Variants in CADM1 observed in about 807,000 individuals in gnomAD.
CADM1 encodes the protein TSLC-1.
In CADM1, 15 loss-of-function variants were observed where a neutral mutation model predicts 53.1. The observed-to-expected ratio is 0.28, with a 90% CI of 0.19 to 0.44. The LOEUF (loss-of-function observed/expected upper bound fraction) is 0.44. Ranked by LOEUF, CADM1 falls within the 20% of genes least tolerant of loss-of-function variation. The pLI, the probability that CADM1 is intolerant of heterozygous loss-of-function variation, is 1.00. For synonymous variants in CADM1, 281 were observed against 243.0 expected, an observed-to-expected ratio of 1.16 and a Z score of -1.45; for missense variants, 434 against 611.3, an observed-to-expected ratio of 0.71 and a Z score of 3.06.
chr11:115,274,688 G>A (rs1943396095), intron 1 of CADM1, among the ~76,000 whole-genome samples: 1 of 152,214 alleles, frequency 6.6e-6, no homozygotes, highest in Non-Finnish European at 1.5e-5. Context: ...ACGAGATTTT[G>A]ATTTTATATA....
At chr11:115,350,804 A>T (rs998694536) in intron 1 of CADM1, among the ~76,000 whole-genome samples, 28 of 152,092 alleles carry the variant, frequency 1.8e-4, no homozygotes, top group African/African-American at 6.5e-4. Flanking sequence ...AAACAAAAAC[A>T]AGAAAATCAC....
intron 1 of CADM1, among the ~76,000 whole-genome samples, chr11:115,339,343 A>G (rs944395964): frequency 1.7e-4 from 26 of 152,066 alleles, no homozygotes; most frequent in Non-Finnish European, 3.7e-4. Flanking sequence ...TGTTTATTGC[A>G]GCACTATTCA....
At chr11:115,271,637 G>T (rs1358441703) in intron 1 of CADM1, among the ~76,000 whole-genome samples, 3 of 152,182 alleles carry the variant, frequency 2.0e-5, no homozygotes, top group African/African-American at 7.2e-5. Flanking sequence ...TAATATTTGT[G>T]CCCATTATAG....
chr11:115,356,717 T>C (rs1945881195), intron 1 of CADM1, among the ~76,000 whole-genome samples: 1 of 152,210 alleles, frequency 6.6e-6, no homozygotes, highest in African/African-American at 2.4e-5. Flanking sequence ...ATATGAGAAA[T>C]AACTACTGCT....
At chr11:115,258,548 A>T (rs1305512351) in intron 1 of CADM1, among the ~76,000 whole-genome samples, 1 of 152,198 alleles carries the variant, frequency 6.6e-6, no homozygotes, top group Non-Finnish European at 1.5e-5. Flanking sequence ...GCTTTGTTGG[A>T]TCTCAACTGT....
chr11:115,463,844 C>G (rs1171490216), intron 1 of CADM1, among the ~76,000 whole-genome samples: 3 of 137,436 alleles, frequency 2.2e-5, no homozygotes, highest in Non-Finnish European at 1.5e-5. Flanking sequence ...AGCCTGAAAA[C>G]AAAAAGCTTT....
intron 1 of CADM1, among the ~76,000 whole-genome samples, chr11:115,414,934 T>G (rs1212386219): frequency 6.6e-6 from 1 of 152,220 alleles, no homozygotes; most frequent in Non-Finnish European, 1.5e-5. Flanking sequence ...TTAAGTAGAT[T>G]CACTTAGGTG....
chr11:115,256,772 C>T, intron 1 of CADM1: 1 of 455,846 alleles, frequency 2.2e-6, no homozygotes, highest in Non-Finnish European at 4.4e-6. Flanking sequence ...GCAATAGGTT[C>T]ACACTTACTC....
chr11:115,262,507 C>T (rs1943006840), intron 1 of CADM1, among the ~76,000 whole-genome samples: 1 of 152,200 alleles, frequency 6.6e-6, no homozygotes, highest in South Asian at 2.1e-4. Flanking sequence ...CCATAAGCAC[C>T]TCACTTGTCC....
intron 1 of CADM1, among the ~76,000 whole-genome samples, chr11:115,297,389 T>C (rs1227389373): frequency 6.6e-6 from 1 of 152,158 alleles, no homozygotes; most frequent in African/African-American, 2.4e-5. Flanking sequence ...GCTTCTTTGA[T>C]CATTAGAGAT....
At chr11:115,406,671 G>A (rs1947321665) in intron 1 of CADM1, among the ~76,000 whole-genome samples, 1 of 150,492 alleles carries the variant, frequency 6.6e-6, no homozygotes, top group African/African-American at 2.4e-5. Flanking sequence ...ATATGGCCAG[G>A]CGCTGTGGCT....
chr11:115,420,678 C>T (rs1445971150), intron 1 of CADM1, among the ~76,000 whole-genome samples: 3 of 152,128 alleles, frequency 2.0e-5, no homozygotes, highest in African/African-American at 4.8e-5. Context: ...CATGCAGTGC[C>T]GCAGTTGGTT....
chr11:115,399,667 C>T (rs1311895793), intron 1 of CADM1, among the ~76,000 whole-genome samples: 2 of 152,056 alleles, frequency 1.3e-5, no homozygotes, highest in Admixed American at 1.3e-4. Context: ...TTTCATCTTT[C>T]AATTTTTCAA....
At chr11:115,419,353 A>G (rs998753298) in intron 1 of CADM1, among the ~76,000 whole-genome samples, 1 of 152,220 alleles carries the variant, frequency 6.6e-6, no homozygotes, top group Non-Finnish European at 1.5e-5. Flanking sequence ...GTAACTTTAG[A>G]AAACATTTCT....
intron 1 of CADM1, among the ~76,000 whole-genome samples, chr11:115,501,754 G>T (rs1949730968): frequency 6.6e-6 from 1 of 152,056 alleles, no homozygotes; most frequent in South Asian, 2.1e-4. Context: ...GCACCAACAG[G>T]TTTCTTTAAC....
intron 1 of CADM1, among the ~76,000 whole-genome samples, chr11:115,403,960 A>G (rs1401180421): frequency 2.1e-5 from 3 of 145,896 alleles, no homozygotes; most frequent in Non-Finnish European, 4.5e-5. Flanking sequence ...CAGTTTTTAG[A>G]AAAAAAAAAA....
At chr11:115,418,732 T>C (rs1015824041) in intron 1 of CADM1, among the ~76,000 whole-genome samples, 5 of 152,118 alleles carry the variant, frequency 3.3e-5, no homozygotes, top group Admixed American at 6.5e-5. Context: ...CCTATCTCCA[T>C]TACACCCAAG....
At position 115,490,559 on chromosome 11, in the gene CADM1, C is replaced by T. The variant is rs7937665; in HGVS notation, c.124+13712G>A. On this transcript the variant is annotated intron_variant, in intron 1 of 11. Transcript: ENST00000331581. ...GACTACAGGCGCCTACCACCACGCC[C>T]GGCTAATTTTTGTATTTTTCAGTAG... 1.3e-4 allele frequency among the ~76,000 whole-genome samples: 19 copies of T among 151,986 alleles called. No individual in the cohort carries two copies. In the South Asian group the frequency reaches 2.9e-3, roughly 23 times the overall value.
intron 9 of CADM1, 96 bp from the exon 10 acceptor site, chr11:115,191,037 C>A: frequency 1.0e-6 from 1 of 973,056 alleles, no homozygotes; most frequent in Non-Finnish European, 1.6e-6. Flanking sequence ...AAAACATGAG[C>A]CAAATCTCTT....
Sources: gnomAD v4.1 joint callset for allele counts (sites outside exome capture counted in the v4.1 genomes callset) on GRCh38, gnomAD v4.1.1 for gene constraint, MANE v1.5 for transcripts, NCBI Gene and HGNC (gene_info 2026-07-23, HGNC 2026-07-21) for gene names.